Variants in IFT172 observed in about 807,000 individuals in gnomAD.
The protein encoded by IFT172 is intraflagellar transport protein 172 homolog.
In IFT172, 164 loss-of-function variants were observed where a neutral mutation model predicts 248.9. That is an observed-to-expected ratio of 0.66 (90% CI 0.58 to 0.75). The LOEUF is 0.75. Among genes scored for constraint, IFT172 ranks in the 30% least tolerant of loss-of-function variants. The pLI, the probability that IFT172 is intolerant of heterozygous loss-of-function variation, is 0.00. For synonymous variants in IFT172, 729 were observed against 791.6 expected (o/e 0.92, Z 1.33); for missense variants, 1,950 against 2,192.4 (o/e 0.89, Z 2.21).
intron 5 of IFT172, 70 bp downstream of exon 5, chr2:27,483,802 A>C: frequency 1.4e-6 from 2 of 1,465,638 alleles, no homozygotes; most frequent in Non-Finnish European, 1.9e-6. Flanking sequence ...AAAGAGGATG[A>C]ACCATATTCC....
Position 27,489,715 on chromosome 2 carries a change from C to T in IFT172, c.-62G>A. On this transcript the variant is annotated 5_prime_UTR_variant, in exon 1 of 48. Coordinates refer to ENST00000260570, the MANE Select transcript of IFT172 (RefSeq NM_015662.3). ...ACAACTCCCGTGGTTACCTGGACAA[C>T]CCGCCACGCAGCCGCAGCGACAGGC... 2 of 1,344,418 alleles carry T rather than the reference C, an allele frequency of 1.5e-6. No homozygotes were observed. The highest frequency in any genetic ancestry group is 2.4e-5 in the South Asian group (2 of 83,002). 83.3% of individuals were successfully genotyped at this position (1,344,418 alleles called of 1,614,324 possible).
chr2:27,479,957 G>T, intron 9 of IFT172, 69 bp downstream of exon 9: 7 of 1,559,250 alleles, frequency 4.5e-6, no homozygotes, highest in Non-Finnish European at 6.1e-6. Context: ...CAGTGCTTTA[G>T]GATAAGGCAG....
intron 11 of IFT172, 110 bp downstream of exon 11, chr2:27,477,885 C>T: frequency 7.2e-7 from 1 of 1,385,472 alleles, no homozygotes; most frequent in Non-Finnish European, 1.0e-6. Flanking sequence ...TCCCCTACAC[C>T]AGAATGTTAG....
rs376714689 is a variant in IFT172 at position 27,479,527 on chromosome 2, C to T, written c.987G>A (p.Thr329=). The T allele has an allele frequency of 6.6e-5, 107 of 1,609,478 alleles. No individual in the cohort carries two copies. The African/African-American group carries it at 6.8e-4, about 10-fold the overall frequency. Reference sequence around the variant, plus strand: ...TGCTTACCTGGCTAGGTCCCACATACGTCAACTCAAACTTGTTCTTGTAAA... The same window carrying T: ...TGCTTACCTGGCTAGGTCCCACATATGTCAACTCAAACTTGTTCTTGTAAA... ...RSIYKNKFEL[T]YVGPSQVIVK... The change falls in exon 10 of 48, where the codon ACG becomes ACA. Residue 329 remains threonine, a synonymous_variant. Coordinates refer to ENST00000260570, the MANE Select transcript of IFT172 (RefSeq NM_015662.3).
At position 27,456,722 on chromosome 2, in the gene IFT172, T is replaced by C. The variant is rs1572747320; in HGVS notation, c.3229-69A>G. Reference sequence around the variant, plus strand: ...TCCCTTCTCATCTCTGACCTCGGCTTTGACAAGGATCCAGTAACTGTTCTA... The same window carrying C: ...TCCCTTCTCATCTCTGACCTCGGCTCTGACAAGGATCCAGTAACTGTTCTA... On this transcript the variant is annotated intron_variant, in intron 29 of 47. Coordinates refer to ENST00000260570, the MANE Select transcript of IFT172 (RefSeq NM_015662.3). 5.1e-6 allele frequency: 8 copies of C among 1,562,278 alleles called. No individual in the cohort carries two copies. In the East Asian group the frequency reaches 1.8e-4, roughly 35 times the overall value.
intron 1 of IFT172, among the ~76,000 whole-genome samples, chr2:27,487,876 C>T (rs1336944153): frequency 6.6e-6 from 1 of 152,272 alleles, no homozygotes; most frequent in Non-Finnish European, 1.5e-5. Flanking sequence ...TGAACCACTG[C>T]GCCTGGCCTA....
intron 20 of IFT172, among the ~76,000 whole-genome samples, 166 bp from the exon 21 acceptor site, chr2:27,462,002 G>A (rs1666716465): frequency 6.6e-6 from 1 of 152,098 alleles, no homozygotes; most frequent in South Asian, 2.1e-4. Flanking sequence ...TAAGCTTCAG[G>A]GCTCCTTATT....
At position 27,455,257 on chromosome 2, in the gene IFT172, C is replaced by T. The variant is rs893030461; in HGVS notation, c.3372-597G>A. 10 of 347,798 alleles carry T rather than the reference C, an allele frequency of 2.9e-5. No individual in the cohort carries two copies. The East Asian group carries it at 5.2e-4, about 18-fold the overall frequency. 21.5% of individuals were successfully genotyped at this position (347,798 alleles called of 1,614,324 possible). ...TTATTAGGCTGTGCTCCAAAGTCATCGTCTGGTTTCTAATTGTGATGCTGA... is the reference window on the plus strand; with the variant it reads ...TTATTAGGCTGTGCTCCAAAGTCATTGTCTGGTTTCTAATTGTGATGCTGA... On this transcript the variant is annotated intron_variant, in intron 30 of 47. Coordinates refer to ENST00000260570, the MANE Select transcript of IFT172 (RefSeq NM_015662.3).
At position 27,485,520 on chromosome 2, in the gene IFT172, G is replaced by A. The variant is rs1299944755; in HGVS notation, c.40-17C>T. The A allele has an allele frequency of 1.9e-6, 3 of 1,613,684 alleles. No homozygotes were observed. The highest frequency in any genetic ancestry group is 2.2e-5 in the East Asian group (1 of 44,894). ...AGCTCCATCCTGTAGAGGCAAAGGG[G>A]TAAAAACAAACCCATGTGCTGGTCT... On this transcript the variant is annotated splice_polypyrimidine_tract_variant and intron_variant, in intron 1 of 47. Transcript: ENST00000260570.
intron 10 of IFT172, among the ~76,000 whole-genome samples, chr2:27,478,593 G>A (rs938304680): frequency 1.2e-4 from 18 of 152,150 alleles, no homozygotes; most frequent in African/African-American, 4.3e-4. Flanking sequence ...ACAGGCATGT[G>A]CCACTGCATC....
At chr2:27,484,470 A>G (rs547919365) in intron 3 of IFT172, among the ~76,000 whole-genome samples, 12 of 152,234 alleles carry the variant, frequency 7.9e-5, no homozygotes, top group African/African-American at 2.9e-4. Flanking sequence ...GGGCGCCTGT[A>G]GTCCCAGCTA....
intron 30 of IFT172, chr2:27,455,126 C>T (rs982957430): frequency 4.6e-5 from 12 of 263,102 alleles, no homozygotes; most frequent in Non-Finnish European, 8.9e-5. Context: ...GAACACTTTG[C>T]TCTTTTGGCT....
In IFT172 at chr2:27,454,239, A is replaced by C; in HGVS notation, c.3531-77T>G. 6.3e-7 allele frequency: 1 copy of C among 1,598,314 alleles called. No individual in the cohort carries two copies. The highest frequency in any genetic ancestry group is 8.6e-7 in the Non-Finnish European group (1 of 1,166,594). The stretch of plus-strand genomic sequence containing the variant: ...ATAGTGGGAGACAAACAGCCATGTC[A>C]CTGAGGGGTGTAACACTGATTTGTT... On this transcript the variant is annotated intron_variant, in intron 32 of 47. Coordinates refer to ENST00000260570, the MANE Select transcript of IFT172 (RefSeq NM_015662.3). The surrounding 1 kb of genome is among the most constrained non-coding windows in gnomAD (Gnocchi z 4.2).
Position 27,478,062 on chromosome 2 carries a change from C to T in IFT172, c.1100G>A (p.Arg367His), listed in dbSNP as rs755263642. 23 of 1,614,108 alleles carry T rather than the reference C, an allele frequency of 1.4e-5. No individual in the cohort carries two copies. The highest frequency in any genetic ancestry group is 1.1e-4 in the East Asian group (5 of 44,904). Residue 367 changes from arginine to histidine, a missense_variant, in exon 11 of 48, where the codon CGT (arginine) becomes CAT (histidine). Around this residue, in one of 3 missense-constraint regions of IFT172, gnomAD observed 1,166 missense variants for 1,254.1 expected, o/e 0.93. Transcript: ENST00000260570. ...VEEVKILGKERYLVAHTSETL... is the reference protein window; with the variant it reads ...VEEVKILGKEHYLVAHTSETL... ...TTCTGATGTGTGAGCCACCAAGTAACGTTCCTTTCCTAGGATTTTCACCTC... is the reference window on the plus strand; with the variant it reads ...TTCTGATGTGTGAGCCACCAAGTAATGTTCCTTTCCTAGGATTTTCACCTC...
rs1379888681 is a variant in IFT172, at chr2:27,454,051, C to T, written c.3642G>A (p.Lys1214=). The stretch of plus-strand genomic sequence containing the variant: ...GCAGCCCTTCTGCTTTCTGAAAGTC[C>T]TTCTCCTCCAAGGCCCCCCGGGCCT... ...VGQARGALEE[K]DFQKAEGLLL... Residue 1214 remains lysine (K), a synonymous_variant, in exon 33 of 48, where the codon AAG becomes AAA. Transcript: ENST00000260570. This position sits in a 1 kb window ranked among gnomAD's most constrained non-coding sequence, Gnocchi z 4.2. 6.2e-7 allele frequency: 1 copy of T among 1,614,132 alleles called. No homozygotes were observed. Among genetic ancestry groups the T allele is most frequent in the Non-Finnish European group, 8.5e-7 (1 of 1,180,022 alleles).
intron 19 of IFT172, 131 bp downstream of exon 19, chr2:27,462,966 T>C (rs980227232): frequency 4.2e-6 from 5 of 1,186,014 alleles, no homozygotes; most frequent in Non-Finnish European, 2.5e-6. Context: ...ATGGTCTGAC[T>C]TGAGGGTAAA....
At chr2:27,470,270 G>C (rs1475427506) in intron 16 of IFT172, among the ~76,000 whole-genome samples, 1 of 139,704 alleles carries the variant, frequency 7.2e-6, no homozygotes, top group African/African-American at 2.7e-5. Context: ...AAGAGAGAGA[G>C]AAAAAAAAAA....
At position 27,453,630 on chromosome 2, in the gene IFT172, C is replaced by T; in HGVS notation, c.3821G>A (p.Arg1274Lys). Residue 1274 changes from arginine to lysine, a missense_variant and splice_region_variant, in exon 34 of 48, where the codon AGG (arginine) becomes AAG (lysine). Physicochemically the swap from Arg to Lys is conservative, Grantham distance 26. Transcript: ENST00000260570. ...YEREATKKGA[R>K]GVEGFVEQAR... ...GCTGCCTGGACCTCTGGCCTCATAC[C>T]TGGCCCCCTTCTTAGTAGCTTCCCG... 6.2e-7 allele frequency: 1 copy of T among 1,610,918 alleles called. No homozygotes were observed. Among genetic ancestry groups the T allele is most frequent in the Non-Finnish European group, 8.5e-7 (1 of 1,178,146 alleles).
At chr2:27,489,504 C>T in intron 1 of IFT172, 111 bp downstream of exon 1, 2 of 764,756 alleles carry the variant, frequency 2.6e-6, no homozygotes, top group Non-Finnish European at 2.2e-6. Context: ...ATCGCTATAT[C>T]CCTTACAGCC....
Sources: allele counts gnomAD v4.1 joint callset (sites outside exome capture counted in the v4.1 genomes callset), GRCh38; gene constraint gnomAD v4.1.1; regional missense constraint gnomAD v4.1.1; non-coding constraint Gnocchi (gnomAD v3.1); transcripts MANE v1.5; gene names NCBI Gene and HGNC (gene_info 2026-07-23, HGNC 2026-07-21).